The following SEMA3G variants were observed in gnomAD, a reference collection of about 807,000 sequenced individuals.
The protein encoded by SEMA3G is semaphorin-3G.
In SEMA3G, 70 loss-of-function variants were observed where a neutral mutation model predicts 86.2. The ratio of observed to expected loss-of-function variants is 0.81; its 90% confidence interval spans 0.67 to 0.99. The LOEUF is 0.99. SEMA3G is among the 50% of genes least tolerant of loss of function. SEMA3G has a pLI of 0.00. For missense variants in SEMA3G, 1,002 were observed against 1,072.4 expected, an observed-to-expected ratio of 0.93 and a Z score of 0.92; for synonymous variants, 416 against 441.4, an observed-to-expected ratio of 0.94 and a Z score of 0.72.
intron 12 of SEMA3G, among the ~76,000 whole-genome samples, 170 bp downstream of exon 12, chr3:52,439,510 C>A (rs961683356): frequency 6.6e-6 from 1 of 152,098 alleles, no homozygotes; most frequent in Admixed American, 6.6e-5. Flanking sequence ...AGCGGAGGTG[C>A]GGGGTGGAGG....
intron 6 of SEMA3G, 49 bp from the exon 7 acceptor site, chr3:52,441,458 G>A (rs1369506965): frequency 2.5e-6 from 4 of 1,604,402 alleles, no homozygotes; most frequent in Admixed American, 1.7e-5. Context: ...CACAGGGGAG[G>A]ATGGGAGTAG....
At chr3:52,436,166 A>G (rs1706047606) in intron 15 of SEMA3G, 93 bp from the exon 16 acceptor site, 2 of 1,471,124 alleles carry the variant, frequency 1.4e-6, no homozygotes, top group Non-Finnish European at 1.8e-6. Context: ...CTTGGGGCCC[A>G]GTGCCTGGGC....
In SEMA3G at chr3:52,433,845, C is replaced by T. The variant is rs1029417164; in HGVS notation, c.*1758G>A. The T allele has an allele frequency of 1.3e-5, 2 of 152,562 alleles. No individual in the cohort carries two copies. The highest frequency in any genetic ancestry group is 1.3e-4 in the Admixed American group (2 of 15,292). 9.5% of individuals were successfully genotyped at this position (152,562 alleles called of 1,614,324 possible). ...CCCCTCCCTTCTGCTCTTCAGCCCCCATCCTTTCCTCCTCTCCTCCTCTGC... is the reference window on the plus strand; with the variant it reads ...CCCCTCCCTTCTGCTCTTCAGCCCCTATCCTTTCCTCCTCTCCTCCTCTGC... On this transcript the variant is annotated 3_prime_UTR_variant, in exon 16 of 16. Transcript: ENST00000231721.
In SEMA3G at chr3:52,444,968, AC is replaced by A. The variant is rs1337637574; in HGVS notation, c.59del (p.Gly20ValfsTer37). 7.7e-7 allele frequency: 1 copy of A among 1,297,520 alleles called. No homozygotes were observed. The highest frequency in any genetic ancestry group is 9.8e-7 in the Non-Finnish European group (1 of 1,017,480). The allele number at this position is 1,297,520 out of a possible 1,614,324, so 80.4% of individuals were successfully genotyped here. Reference sequence around the variant, plus strand: ...TGGGGCCGGGGCTGGGGCCAGAGCTACCCCCATGGAGCAGGAGGCCCCCTAG... The same window carrying A: ...TGGGGCCGGGGCTGGGGCCAGAGCTACCCCATGGAGCAGGAGGCCCCCTAG... ...WLLGGLLLHG[G>X]SSGPSPGPSV... On this transcript the variant is annotated frameshift_variant, in exon 1 of 16. Transcript: ENST00000231721. LOFTEE classifies it high-confidence loss of function.
At chr3:52,443,826 C>T (rs113572360) in intron 1 of SEMA3G, among the ~76,000 whole-genome samples, 3 of 152,316 alleles carry the variant, frequency 2.0e-5, no homozygotes, top group African/African-American at 4.8e-5. Context: ...TCTCCAGGGA[C>T]GAGCGCCATC....
In SEMA3G at chr3:52,440,093, G is replaced by A; in HGVS notation, c.1149C>T (p.Pro383=). 6.3e-7 allele frequency: 1 copy of A among 1,576,274 alleles called. No homozygotes were observed. The highest frequency in any genetic ancestry group is 8.6e-7 in the Non-Finnish European group (1 of 1,156,196). The part of the protein sequence containing the change: ...KVPFPRPGVC[P]SKMTAQPGRP... ...GTCCTGGCTGTGCGGTCATCTTGCT[G>A]GGGCACTGTGGGCAGCAGGGAAGGG... Residue 383 remains proline, a synonymous_variant, in exon 11 of 16, where the codon CCC becomes CCT. Coordinates refer to ENST00000231721, the MANE Select transcript of SEMA3G (RefSeq NM_020163.3).
chr3:52,441,279 C>A lies in SEMA3G; in HGVS notation c.798G>T (p.Val266=), dbSNP rs764773093. The A allele has an allele frequency of 1.2e-6, 2 of 1,613,380 alleles. No homozygotes were observed. The highest frequency in any genetic ancestry group is 3.3e-5 in the Admixed American group (2 of 60,002). Residue 266 remains valine (V), a synonymous_variant, in exon 7 of 16, where the codon GTG becomes GTT. Coordinates refer to ENST00000231721, the MANE Select transcript of SEMA3G (RefSeq NM_020163.3). ...GGSNHVTVSR[V]GRVCVNDAGG... ...CAGCTCTTACCACGCAGACGCGGCC[C>A]ACGCGGCTGACAGTGACATGGTTCG...
chr3:52,444,967 T>C lies in SEMA3G; in HGVS notation c.61A>G (p.Ser21Gly). Residue 21 changes from serine to glycine, a missense_variant, in exon 1 of 16, where the codon AGC (serine) becomes GGC (glycine). Transcript: ENST00000231721. ...LLGGLLLHGG[S>G]SGPSPGPSVP... ...CTGGGGCCGGGGCTGGGGCCAGAGC[T>C]ACCCCCATGGAGCAGGAGGCCCCCT... The C allele has an allele frequency of 1.5e-6, 2 of 1,299,814 alleles. No individual in the cohort carries two copies. The highest frequency in any genetic ancestry group is 2.6e-5 in the South Asian group (1 of 38,462). 80.5% of individuals were successfully genotyped at this position (1,299,814 alleles called of 1,614,324 possible). A position where few individuals can be genotyped will look rare whatever the true frequency, so the allele number is the denominator to read the frequency against.
At position 52,441,246 on chromosome 3, in the gene SEMA3G, C is replaced by T. The variant is rs539548948; in HGVS notation, c.813+18G>A. The T allele has an allele frequency of 1.2e-6, 2 of 1,610,006 alleles. No homozygotes were observed. Among genetic ancestry groups the T allele is most frequent in the African/African-American group, 1.3e-5 (1 of 74,872 alleles). ...TGTAGCAGGGACTTGAACCTCACCA[C>T]CCCTTCCCAGCTCTTACCACGCAGA... is the stretch of plus-strand genomic sequence containing the variant. On this transcript the variant is annotated intron_variant, in intron 7 of 15. Transcript: ENST00000231721.
In SEMA3G at chr3:52,440,001, A is replaced by G. The variant is rs1015732901; in HGVS notation, c.1241T>C (p.Met414Thr). Reference sequence around the variant, plus strand: ...ATGTCGAGGCCGCACAGGCCAGAACATGAGGGGGTGGGCTCGGGCAAACTG... The same window carrying G: ...ATGTCGAGGCCGCACAGGCCAGAACGTGAGGGGGTGGGCTCGGGCAAACTG... ...VLQFARAHPL[M>T]FWPVRPRHGR... The change falls in exon 11 of 16, where the codon ATG becomes ACG. Residue 414 changes from methionine to threonine, a missense_variant. Met to Thr is a moderately conservative substitution (Grantham distance 81). Coordinates refer to ENST00000231721, the MANE Select transcript of SEMA3G (RefSeq NM_020163.3). The G allele has an allele frequency of 8.1e-6, 13 of 1,612,526 alleles. No homozygotes were observed. Among genetic ancestry groups the G allele is most frequent in the South Asian group, 1.1e-5 (1 of 91,058 alleles).
chr3:52,438,620 G>T, intron 13 of SEMA3G: 2 of 985,498 alleles, frequency 2.0e-6, no homozygotes, highest in Non-Finnish European at 2.4e-6. Context: ...GGCAAATATA[G>T]TAGGCCTCTA....
chr3:52,438,984 G>C, intron 12 of SEMA3G, 23 bp from the exon 13 acceptor site: 1 of 1,611,998 alleles, frequency 6.2e-7, no homozygotes, highest in Non-Finnish European at 8.5e-7. Flanking sequence ...AAGGGTCTCA[G>C]TGTGGGTCGG....
chr3:52,440,381 C>A lies in SEMA3G; in HGVS notation c.1139G>T (p.Gly380Val). The A allele has an allele frequency of 6.9e-6, 11 of 1,602,398 alleles. No homozygotes were observed. The highest frequency in any genetic ancestry group is 9.4e-6 in the Non-Finnish European group (11 of 1,175,808). The change falls in exon 10 of 16, where the codon GGC (glycine) becomes GTC (valine). Residue 380 changes from glycine (G) to valine (V), a missense_variant. Coordinates refer to ENST00000231721, the MANE Select transcript of SEMA3G (RefSeq NM_020163.3). ...CTGGCCCCAGCAGATACTCACCACG[C>A]CAGGGCGAGGGAAGGGCACCTTGCC... ...YGGKVPFPRP[G>V]VCPSKMTAQP...
intron 1 of SEMA3G, among the ~76,000 whole-genome samples, chr3:52,443,338 A>G (rs1706197400): frequency 6.6e-6 from 1 of 152,208 alleles, no homozygotes; most frequent in Non-Finnish European, 1.5e-5. Context: ...AACTGTTCCC[A>G]GCAGAGGGGA....
intron 1 of SEMA3G, among the ~76,000 whole-genome samples, chr3:52,444,187 C>G (rs901532143): frequency 1.3e-5 from 2 of 152,150 alleles, no homozygotes; most frequent in Non-Finnish European, 2.9e-5. Flanking sequence ...CCAGTTGAGC[C>G]CAGACAGACC....
intron 12 of SEMA3G, among the ~76,000 whole-genome samples, 159 bp from the exon 13 acceptor site, chr3:52,439,120 G>T (rs959855333): frequency 6.6e-6 from 1 of 152,160 alleles, no homozygotes; most frequent in African/African-American, 2.4e-5. Flanking sequence ...TTTCCCAGAC[G>T]ATGGGTTACA....
chr3:52,436,192 C>A, intron 15 of SEMA3G, 119 bp from the exon 16 acceptor site: 5 of 1,444,908 alleles, frequency 3.5e-6, no homozygotes, highest in Non-Finnish European at 4.5e-6. Flanking sequence ...TTGCCCTATT[C>A]TCCCCTTCCC....
intron 15 of SEMA3G, 56 bp downstream of exon 15, chr3:52,437,471 G>T (rs1477383603): frequency 4.5e-6 from 7 of 1,546,354 alleles, no homozygotes; most frequent in Non-Finnish European, 6.2e-6. Flanking sequence ...TGGGGTTCAG[G>T]ATGGGAGGTG....
chr3:52,442,409 G>A lies in SEMA3G; in HGVS notation c.340-105C>T. On this transcript the variant is annotated intron_variant, in intron 3 of 15. Transcript: ENST00000231721. The surrounding 1 kb of genome is among the most constrained non-coding windows in gnomAD (Gnocchi z 6.1). ...CTGGCGGTCAGCTCTGGGGAGGGGG[G>A]TGGGTGTGACATTCCCAGCAGACCT... is the stretch of plus-strand genomic sequence containing the variant. The A allele has an allele frequency of 2.0e-6, 1 of 504,710 alleles. No homozygotes were observed. The highest frequency in any genetic ancestry group is 1.6e-5 in the South Asian group (1 of 64,040). The allele number at this position is 504,710 out of a possible 1,614,324, so 31.3% of individuals were successfully genotyped here. A position where few individuals can be genotyped will look rare whatever the true frequency, so the allele number is the denominator to read the frequency against.
Sources: gnomAD v4.1 joint callset for allele counts (sites outside exome capture counted in the v4.1 genomes callset) on GRCh38, gnomAD v4.1.1 for gene constraint, Gnocchi (gnomAD v3.1) non-coding constraint, MANE v1.5 for transcripts, NCBI Gene and HGNC (gene_info 2026-07-23, HGNC 2026-07-21) for gene names.